KIF5C: variants seen among roughly 807,000 people sequenced by gnomAD.
KIF5C encodes kinesin family member 5C.
KIF5C carries 18 observed loss-of-function variants against 125.2 expected under a neutral mutation model. The observed-to-expected ratio is 0.14, with a 90% CI of 0.10 to 0.21. KIF5C has a LOEUF of 0.21. Ranked by LOEUF, KIF5C falls within the 10% of genes least tolerant of loss-of-function variation. The probability of loss-of-function intolerance (pLI) is 1.00; values close to 1 mark genes in which losing one functional copy is unlikely to be tolerated. For synonymous variants in KIF5C, 405 were observed against 434.0 expected (o/e 0.93, Z 0.83); for missense variants, 780 against 1,183.8 (o/e 0.66, Z 5.01).
At chr2:149,010,442 A>T (rs980312480) in intron 24 of KIF5C, 91 bp downstream of exon 24, 3 of 1,452,852 alleles carry the variant, frequency 2.1e-6, no homozygotes, top group African/African-American at 2.9e-5. Context: ...GCGCTGGCCC[A>T]CTCTGGAACA....
intron 23 of KIF5C, 45 bp downstream of exon 23, chr2:149,008,112 T>C (rs1466994986): frequency 2.6e-6 from 4 of 1,559,686 alleles, no homozygotes; most frequent in African/African-American, 1.4e-5. Context: ...TCCTCTCTCC[T>C]GGAAAGAAGC....
intron 4 of KIF5C, among the ~76,000 whole-genome samples, chr2:148,938,217 G>A (rs1381639246): frequency 6.6e-6 from 1 of 152,172 alleles, no homozygotes; most frequent in East Asian, 1.9e-4. Context: ...TGGGCATTTT[G>A]TGGAGGATGA....
chr2:149,020,796 T>C (rs1261548635), intron 25 of KIF5C, among the ~76,000 whole-genome samples: 1 of 152,128 alleles, frequency 6.6e-6, no homozygotes, highest in Non-Finnish European at 1.5e-5. Flanking sequence ...TCCTATTGGT[T>C]TTCAGCTCAG....
chr2:148,951,221 T>C (rs1187379568), intron 10 of KIF5C, among the ~76,000 whole-genome samples: 1 of 152,058 alleles, frequency 6.6e-6, no homozygotes, highest in East Asian at 1.9e-4. Context: ...AAGAGAGGTA[T>C]AAAAGGAAAA....
At chr2:148,913,596 G>T (rs1317147025) in intron 1 of KIF5C, among the ~76,000 whole-genome samples, 1 of 152,098 alleles carries the variant, frequency 6.6e-6, no homozygotes, top group Non-Finnish European at 1.5e-5. Flanking sequence ...TTTTGTTTTT[G>T]ATTTTTTAAC....
intron 1 of KIF5C, among the ~76,000 whole-genome samples, chr2:148,897,107 A>G (rs1006922872): frequency 6.6e-6 from 1 of 152,218 alleles, no homozygotes; most frequent in Non-Finnish European, 1.5e-5. Context: ...TGCTAGGATT[A>G]TAGGCATGAG....
intron 1 of KIF5C, among the ~76,000 whole-genome samples, chr2:148,882,447 C>T (rs1681393584): frequency 6.6e-6 from 1 of 152,150 alleles, no homozygotes; most frequent in South Asian, 2.1e-4. Flanking sequence ...TCCCCTGTGC[C>T]CTCAGGTTGG....
chr2:149,005,302 T>C, intron 21 of KIF5C, 91 bp from the exon 22 acceptor site: 1 of 1,552,948 alleles, frequency 6.4e-7, no homozygotes, highest in Non-Finnish European at 8.7e-7. Context: ...CATGGCAGGC[T>C]TGGGAAGTGT....
chr2:148,937,194 C>A, intron 3 of KIF5C, 90 bp from the exon 4 acceptor site: 3 of 1,502,528 alleles, frequency 2.0e-6, no homozygotes, highest in Non-Finnish European at 2.7e-6. Flanking sequence ...CCACCGGGTT[C>A]TGTCTGAGGA....
intron 17 of KIF5C, among the ~76,000 whole-genome samples, chr2:148,994,848 C>T (rs961900826): frequency 1.4e-4 from 22 of 152,066 alleles, no homozygotes; most frequent in African/African-American, 3.1e-4. Context: ...ACTATAGATG[C>T]GTGTCACCAC....
chr2:149,000,581 A>G, intron 20 of KIF5C, 57 bp downstream of exon 20: 1 of 1,555,224 alleles, frequency 6.4e-7, no homozygotes, highest in Non-Finnish European at 8.7e-7. Context: ...TATTCTGGTT[A>G]GATTGGGCTA....
chr2:149,021,735 T>TAA (rs201510318), intron 25 of KIF5C, among the ~76,000 whole-genome samples: 17 of 146,508 alleles, frequency 1.2e-4, no homozygotes, highest in South Asian at 2.1e-4. Flanking sequence ...TTTTTTTTTT[T>TAA]AATCAAAAGA....
chr2:148,921,888 C>G (rs886739313), intron 1 of KIF5C, among the ~76,000 whole-genome samples: 6 of 151,968 alleles, frequency 3.9e-5, no homozygotes, highest in African/African-American at 1.2e-4. Flanking sequence ...CTCAACCTAC[C>G]CTTCATTTAA....
intron 16 of KIF5C, 119 bp downstream of exon 16, chr2:148,991,317 T>C: frequency 7.0e-7 from 1 of 1,434,322 alleles, no homozygotes; most frequent in South Asian, 1.5e-5. Flanking sequence ...TTGTGTAAGC[T>C]TGGCCTCCCC....
intron 18 of KIF5C, chr2:148,997,876 C>T (rs891514521): frequency 1.6e-4 from 27 of 165,100 alleles, no homozygotes; most frequent in East Asian, 3.3e-4. Flanking sequence ...AAGACGTCCA[C>T]GGCATGCCCT....
At chr2:148,954,312 A>G (rs1237405473) in intron 10 of KIF5C, among the ~76,000 whole-genome samples, 2 of 152,248 alleles carry the variant, frequency 1.3e-5, no homozygotes, top group East Asian at 3.8e-4. Context: ...ATTACGAGGC[A>G]GTAGAAAGTC....
intron 17 of KIF5C, 22 bp downstream of exon 17, chr2:148,994,560 A>C (rs1367020134): frequency 6.4e-7 from 1 of 1,552,022 alleles, no homozygotes; most frequent in Non-Finnish European, 8.7e-7. Flanking sequence ...ACTAACGTGC[A>C]GGTGTCAAAC....
At chr2:149,000,091 A>C (rs1681807303) in intron 19 of KIF5C, 1 of 216,354 alleles carries the variant, frequency 4.6e-6, no homozygotes, top group Non-Finnish European at 9.0e-6. Context: ...CGAGGGGCCG[A>C]GGAAGCAGAG....
rs187761534 is a variant in KIF5C, at chr2:148,985,719, G to A, written c.1716+1953G>A. 2.6e-4 allele frequency among the ~76,000 whole-genome samples: 40 copies of A among 152,286 alleles called. No individual in the cohort carries two copies. The East Asian group carries it at 5.6e-3, about 21-fold the overall frequency. On this transcript the variant is annotated intron_variant, in intron 15 of 25. Coordinates refer to ENST00000435030, the MANE Select transcript of KIF5C (RefSeq NM_004522.3). ...TCTGCTTAGTGGGGACACTCAGGTCGTGAGCTGGGATTGTTAAATACTGGA... is the reference window on the plus strand; with the variant it reads ...TCTGCTTAGTGGGGACACTCAGGTCATGAGCTGGGATTGTTAAATACTGGA...
Sources: allele counts gnomAD v4.1 joint callset (sites outside exome capture counted in the v4.1 genomes callset), GRCh38; gene constraint gnomAD v4.1.1; transcripts MANE v1.5; gene names NCBI Gene and HGNC (gene_info 2026-07-23, HGNC 2026-07-21).